Variants in WDR17 observed in about 807,000 individuals in gnomAD.
The protein encoded by WDR17 is WD repeat-containing protein 17.
In WDR17, 143 loss-of-function variants were observed where a neutral mutation model predicts 161.7. The observed-to-expected ratio is 0.88, with a 90% CI of 0.77 to 1.02. WDR17 has a LOEUF of 1.02. Ranked by LOEUF, WDR17 falls within the 50% of genes least tolerant of loss-of-function variation. The pLI, the probability that WDR17 is intolerant of heterozygous loss-of-function variation, is 0.00. For missense variants in WDR17, 1,469 were observed against 1,520.9 expected (o/e 0.97, Z 0.57); for synonymous variants, 517 against 515.6 (o/e 1.00, Z -0.04).
intron 1 of WDR17, among the ~76,000 whole-genome samples, chr4:176,066,907 A>G (rs969795388): frequency 5.9e-5 from 9 of 152,216 alleles, no homozygotes; most frequent in African/African-American, 2.2e-4. Flanking sequence ...CAACAATGTG[A>G]GATTATAGTT....
chr4:176,071,873 C>G (rs1050015970), intron 1 of WDR17, among the ~76,000 whole-genome samples: 1 of 152,124 alleles, frequency 6.6e-6, no homozygotes, highest in African/African-American at 2.4e-5. Flanking sequence ...ATAAAGGTAA[C>G]TCCATTCATC....
intron 1 of WDR17, among the ~76,000 whole-genome samples, chr4:176,082,806 T>TA (rs34915121): frequency 0.21 from 31,983 of 152,062 alleles, 3,601 homozygotes; most frequent in South Asian, 0.27. Context: ...TTTCATGGGA[T>TA]TTTTTAATTT....
chr4:176,163,059 T>G, intron 21 of WDR17, 95 bp from the exon 22 acceptor site: 1 of 1,450,856 alleles, frequency 6.9e-7, no homozygotes. Flanking sequence ...GATTTATAGG[T>G]TAATACTGCT....
At chr4:176,098,671 C>T (rs747791575) in intron 1 of WDR17, among the ~76,000 whole-genome samples, 1 of 151,544 alleles carries the variant, frequency 6.6e-6, no homozygotes, top group Non-Finnish European at 1.5e-5. Context: ...CTTTTTTAGT[C>T]CTTTTGCAAA....
rs561739387 is a variant in WDR17, at chr4:176,156,540, C to T, written c.2525+397C>T. Among the ~76,000 whole-genome samples the T allele has an allele frequency of 2.3e-3, 350 of 152,226 alleles. 2 individuals carry two copies. Among genetic ancestry groups the T allele is most frequent in the African/African-American group, 8.1e-3 (337 of 41,534 alleles). On this transcript the variant is annotated intron_variant, in intron 18 of 28. Coordinates refer to ENST00000508596, the MANE Select transcript of WDR17 (RefSeq NM_181265.4). ...CTGTAGGCACTAATTCCTGCCATTT[C>T]TTCCCATGGATATGAGGGAGGCACT...
chr4:176,099,088 T>A (rs1384622845), intron 1 of WDR17, among the ~76,000 whole-genome samples: 1 of 152,120 alleles, frequency 6.6e-6, no homozygotes, highest in African/African-American at 2.4e-5. Flanking sequence ...TTGTTTTTAA[T>A]AAATAAGCAG....
intron 20 of WDR17, 105 bp from the exon 21 acceptor site, chr4:176,161,970 A>T: frequency 1.0e-6 from 1 of 968,846 alleles, no homozygotes; most frequent in Non-Finnish European, 1.5e-6. Flanking sequence ...AGCATGTCAA[A>T]TTAAATTTTA....
At chr4:176,069,278 T>G (rs937907165) in intron 1 of WDR17, among the ~76,000 whole-genome samples, 1 of 151,942 alleles carries the variant, frequency 6.6e-6, no homozygotes, top group Non-Finnish European at 1.5e-5. Context: ...GATAAAAGTC[T>G]TACTTTTTAT....
intron 3 of WDR17, among the ~76,000 whole-genome samples, chr4:176,118,559 C>T (rs1741018829): frequency 6.6e-6 from 1 of 152,158 alleles, no homozygotes; most frequent in Admixed American, 6.5e-5. Context: ...TTAACACAAA[C>T]TAAACTTACT....
chr4:176,173,860 CAG>C (rs1279981360), intron 25 of WDR17, among the ~76,000 whole-genome samples: 1 of 150,902 alleles, frequency 6.6e-6, no homozygotes, highest in African/African-American at 2.4e-5. Context: ...CAACTTGAAA[CAG>C]AGTATTAAAT....
rs779642586 is a variant in WDR17, at chr4:176,177,562, A to G, written c.3640A>G (p.Lys1214Glu). Residue 1214 changes from lysine to glutamate, a missense_variant, in exon 28 of 29, where the codon AAA becomes GAA. Physicochemically the swap from Lys to Glu is moderately conservative, Grantham distance 56 (BLOSUM62 1). Transcript: ENST00000508596. Reference sequence around the variant, plus strand: ...AAAGAGACTAAAAGAAGAGTCACTGAAAGGAATTATTGGACCAGATTATGT... The same window carrying G: ...AAAGAGACTAAAAGAAGAGTCACTGGAAGGAATTATTGGACCAGATTATGT... ...LLKRLKEESL[K>E]GIIGPDYVTG... The G allele has an allele frequency of 1.3e-5, 21 of 1,597,478 alleles. No individual in the cohort carries two copies. Among genetic ancestry groups the G allele is most frequent in the Non-Finnish European group, 1.7e-5 (20 of 1,176,140 alleles).
At chr4:176,139,825 A>C in intron 9 of WDR17, 67 bp from the exon 10 acceptor site, 1 of 1,284,502 alleles carries the variant, frequency 7.8e-7, no homozygotes, top group African/African-American at 1.5e-5. Flanking sequence ...ACTTAGAAGA[A>C]GTAAATATAT....
At chr4:176,076,454 C>A in intron 1 of WDR17, among the ~76,000 whole-genome samples, 1 of 53,190 alleles carries the variant, frequency 1.9e-5, no homozygotes, top group East Asian at 5.8e-4. Context: ...GTTTTTGTTT[C>A]TGTAGTTTTA....
At chr4:176,152,803 C>T (rs1320248121) in intron 17 of WDR17, among the ~76,000 whole-genome samples, 1 of 150,764 alleles carries the variant, frequency 6.6e-6, no homozygotes, top group East Asian at 2.0e-4. Context: ...AGCATGGTGG[C>T]GTATTCCTGT....
At chr4:176,119,742 A>G (rs142013157) in intron 3 of WDR17, 125 bp from the exon 4 acceptor site, 13,094 of 874,230 alleles carry the variant, frequency 0.015, 148 homozygotes, top group Non-Finnish European at 0.019. Flanking sequence ...TCCAATTCCC[A>G]AATAAGAAAG....
chr4:176,174,636 A>G lies in WDR17; in HGVS notation c.3367A>G (p.Ile1123Val). ...TCTEARNELLILCGYIGALLA... is the reference protein window; with the variant it reads ...TCTEARNELLVLCGYIGALLA... ...TTTTAGAGCTCGAAATGAGTTGCTGATATTATGTGGTTACATTGGTGCATT... is the reference window on the plus strand; with the variant it reads ...TTTTAGAGCTCGAAATGAGTTGCTGGTATTATGTGGTTACATTGGTGCATT... Residue 1123 changes from isoleucine to valine, a missense_variant, in exon 26 of 29, where the codon ATA becomes GTA. Coordinates refer to ENST00000508596, the MANE Select transcript of WDR17 (RefSeq NM_181265.4). 1.2e-6 allele frequency: 2 copies of G among 1,609,618 alleles called. No individual in the cohort carries two copies. Among genetic ancestry groups the G allele is most frequent in the Admixed American group, 3.4e-5 (2 of 59,670 alleles).
At chr4:176,123,847 GA>G (rs1741996190) in intron 4 of WDR17, among the ~76,000 whole-genome samples, 1 of 152,174 alleles carries the variant, frequency 6.6e-6, no homozygotes, top group African/African-American at 2.4e-5. Flanking sequence ...ATTGGGGGAT[GA>G]GGCTGAAGGT....
Position 176,118,670 on chromosome 4 carries a change from G to A in WDR17, c.308-1197G>A, listed in dbSNP as rs1579096904. The stretch of plus-strand genomic sequence containing the variant: ...TATTTAAACTCTACCCCTCCTTCTA[G>A]GTATAATTCAAATCTAATTTCTTTC... On this transcript the variant is annotated intron_variant, in intron 3 of 28. Transcript: ENST00000508596. Among the ~76,000 whole-genome samples the A allele has an allele frequency of 5.3e-5, 8 of 152,112 alleles. No homozygotes were observed. The South Asian group carries it at 1.7e-3, about 32-fold the overall frequency.
At chr4:176,117,090 TAA>T (rs1740767064) in intron 3 of WDR17, among the ~76,000 whole-genome samples, 1 of 151,972 alleles carries the variant, frequency 6.6e-6, no homozygotes, top group Non-Finnish European at 1.5e-5. Context: ...CAAAATATTG[TAA>T]AAAGTCAGCT....
Sources: gnomAD v4.1 joint callset for allele counts (sites outside exome capture counted in the v4.1 genomes callset) on GRCh38, gnomAD v4.1.1 for gene constraint, MANE v1.5 for transcripts, NCBI Gene and HGNC (gene_info 2026-07-23, HGNC 2026-07-21) for gene names.